BTG4: variants seen among roughly 807,000 people sequenced by gnomAD.
The protein encoded by BTG4 is protein BTG4.
Under a neutral mutation model 19.3 loss-of-function variants are expected in BTG4, and 10 were observed. The observed-to-expected ratio is 0.52, with a 90% CI of 0.32 to 0.88. BTG4 has a LOEUF of 0.88. Ranked by LOEUF, BTG4 falls within the 40% of genes least tolerant of loss-of-function variation. The probability of loss-of-function intolerance (pLI) is 0.04; values close to 1 mark genes in which losing one functional copy is unlikely to be tolerated. For missense variants in BTG4, 238 were observed against 281.9 expected, an observed-to-expected ratio of 0.84 and a Z score of 1.11; for synonymous variants, 91 against 95.7, an observed-to-expected ratio of 0.95 and a Z score of 0.29.
intron 5 of BTG4, among the ~76,000 whole-genome samples, chr11:111,468,671 A>T (rs1027797616): frequency 2.0e-5 from 3 of 152,200 alleles, no homozygotes; most frequent in African/African-American, 7.2e-5. Flanking sequence ...CGATTTGAAA[A>T]CTTGATTACA....
At chr11:111,443,599 A>T in the BTG4 span, among the ~76,000 whole-genome samples, 3 of 152,232 alleles carry the variant, frequency 2.0e-5, no homozygotes, top group Non-Finnish European at 4.4e-5. Context: ...AGGGAAAAAA[A>T]AGAGAGACAA....
At chr11:111,473,970 G>A (rs148258563) in intron 5 of BTG4, among the ~76,000 whole-genome samples, 125 of 152,064 alleles carry the variant, frequency 8.2e-4, no homozygotes, top group African/African-American at 2.9e-3. Flanking sequence ...AAAATCACAC[G>A]TTTTGGTTCC....
the BTG4 span, among the ~76,000 whole-genome samples, chr11:111,395,374 TCCTGCTCCCATC>T: frequency 6.6e-6 from 1 of 152,142 alleles, no homozygotes; most frequent in African/African-American, 2.4e-5. Flanking sequence ...GTTCACTGGC[TCCTGCTCCCATC>T]CCTGCTCCCG....
chr11:111,460,299 C>T, the BTG4 span: 4 of 152,826 alleles, frequency 2.6e-5, no homozygotes, highest in Admixed American at 6.5e-5. Flanking sequence ...ACGGATCTCT[C>T]TGCCAGAGTG....
chr11:111,507,761 G>C (rs1866558515), intron 1 of BTG4: 1 of 152,194 alleles, frequency 6.6e-6, no homozygotes, highest in African/African-American at 2.4e-5. Context: ...GATCCTCTCA[G>C]ATTTGATCCT....
the BTG4 span, among the ~76,000 whole-genome samples, chr11:111,443,722 G>A: frequency 6.6e-6 from 1 of 152,204 alleles, no homozygotes; most frequent in South Asian, 2.1e-4. Flanking sequence ...AGGGTCCTGA[G>A]AGAAGGCAGT....
downstream of BTG4, among the ~76,000 whole-genome samples, chr11:111,493,567 G>A (rs953692197): frequency 1.3e-5 from 2 of 152,138 alleles, no homozygotes; most frequent in Non-Finnish European, 2.9e-5. Context: ...ACCCACACAC[G>A]TATGGAGGCT....
At chr11:111,420,948 G>A in the BTG4 span, among the ~76,000 whole-genome samples, 3,780 of 152,300 alleles carry the variant, frequency 0.025, 152 homozygotes, top group African/African-American at 0.083. Flanking sequence ...GTCCCAGAAG[G>A]CTCCTTTGGG....
chr11:111,482,668 T>G (rs1164223715), intron 5 of BTG4, among the ~76,000 whole-genome samples: 2 of 152,080 alleles, frequency 1.3e-5, no homozygotes, highest in African/African-American at 4.8e-5. Context: ...TTCACAAAGA[T>G]GCAAGAACAA....
the BTG4 span, chr11:111,417,627 T>C: frequency 2.0e-5 from 3 of 152,228 alleles, no homozygotes; most frequent in Non-Finnish European, 4.4e-5. Flanking sequence ...CATAGCACTG[T>C]CTGAGGGCTG....
downstream of BTG4, chr11:111,463,379 C>A (rs144174716): frequency 4.6e-5 from 7 of 152,768 alleles, no homozygotes; most frequent in African/African-American, 1.7e-4. Context: ...ACAGTCACCA[C>A]TTCTCTCAGG....
Position 111,498,698 on chromosome 11 carries a change from T to C in BTG4, c.79A>G (p.Ile27Val), listed in dbSNP as rs1865886166. Residue 27 changes from isoleucine (I) to valine (V), a missense_variant, in exon 2 of 5, where the codon ATA becomes GTA. Physicochemically the swap from Ile to Val is conservative, Grantham distance 29 (BLOSUM62 3). Transcript: ENST00000692032. Reference protein sequence around the residue: ...KKHDKLSKQQIEDFAEKLMTI... With the variant: ...KKHDKLSKQQVEDFAEKLMTI... ...ATCAGCTTTTCTGCAAAGTCTTCTA[T>C]TTGCTGTTTACTTAGTTTATCATGT... The C allele has an allele frequency of 1.9e-6, 3 of 1,613,818 alleles. No homozygotes were observed. The highest frequency in any genetic ancestry group is 2.5e-6 in the Non-Finnish European group (3 of 1,179,922).
the BTG4 span, among the ~76,000 whole-genome samples, chr11:111,387,111 G>T: frequency 6.6e-6 from 1 of 152,224 alleles, no homozygotes; most frequent in East Asian, 1.9e-4. Context: ...TAATTTTATT[G>T]TACCATTCAG....
chr11:111,482,502 A>G (rs1317981425), intron 5 of BTG4, among the ~76,000 whole-genome samples: 2 of 152,182 alleles, frequency 1.3e-5, no homozygotes, highest in East Asian at 3.8e-4. Context: ...TAGCTAAAGT[A>G]ATTTTTAGAA....
the BTG4 span, among the ~76,000 whole-genome samples, chr11:111,390,845 G>T: frequency 7.2e-5 from 11 of 152,318 alleles, no homozygotes; most frequent in Admixed American, 6.5e-4. Flanking sequence ...TTTTGCACCA[G>T]TTGAGGCAGA....
chr11:111,403,280 GC>G, the BTG4 span, among the ~76,000 whole-genome samples: 5 of 152,194 alleles, frequency 3.3e-5, no homozygotes, highest in Non-Finnish European at 1.5e-5. Context: ...ATTAACCTGT[GC>G]TTTTTATGCT....
chr11:111,387,948 C>T, the BTG4 span, among the ~76,000 whole-genome samples: 1 of 152,046 alleles, frequency 6.6e-6, no homozygotes, highest in African/African-American at 2.4e-5. Context: ...GACAGTTTTG[C>T]CTCCATATTA....
chr11:111,401,830 C>T, the BTG4 span, among the ~76,000 whole-genome samples: 1 of 152,194 alleles, frequency 6.6e-6, no homozygotes, highest in Non-Finnish European at 1.5e-5. Flanking sequence ...CATCACCTAA[C>T]TCAGAGTAGG....
the BTG4 span, among the ~76,000 whole-genome samples, chr11:111,437,641 T>A: frequency 1.3e-5 from 2 of 152,106 alleles, no homozygotes; most frequent in African/African-American, 4.8e-5. Context: ...TGCCTGAGGC[T>A]AGAGCTACAA....
Sources: allele counts gnomAD v4.1 joint callset (sites outside exome capture counted in the v4.1 genomes callset), GRCh38; gene constraint gnomAD v4.1.1; transcripts MANE v1.5; gene names NCBI Gene and HGNC (gene_info 2026-07-23, HGNC 2026-07-21).